The following TMEM232 variants were observed in gnomAD, a reference collection of about 807,000 sequenced individuals.
TMEM232 encodes the protein transmembrane protein 232.
Under a neutral mutation model 78.8 loss-of-function variants are expected in TMEM232, and 80 were observed. The observed-to-expected ratio is 1.01, with a 90% CI of 0.85 to 1.22. TMEM232 has a LOEUF of 1.22. Among genes scored for constraint, TMEM232 ranks in the 50% most tolerant of loss-of-function variants. The probability of loss-of-function intolerance (pLI) is 0.00; values close to 1 mark genes in which losing one functional copy is unlikely to be tolerated. For synonymous variants in TMEM232, 297 were observed against 254.3 expected, an observed-to-expected ratio of 1.17 and a Z score of -1.60; for missense variants, 881 against 742.2, an observed-to-expected ratio of 1.19 and a Z score of -2.17.
intron 11 of TMEM232, among the ~76,000 whole-genome samples, chr5:110,549,604 T>C (rs1187975775): frequency 2.0e-5 from 1 of 51,168 alleles, no homozygotes; most frequent in Admixed American, 2.8e-4. Context: ...AGTCCCTGTC[T>C]CAAAAAAAAA....
intron 1 of TMEM232, among the ~76,000 whole-genome samples, chr5:110,695,138 A>C (rs1334033709): frequency 6.6e-6 from 1 of 152,266 alleles, no homozygotes; most frequent in Non-Finnish European, 1.5e-5. Context: ...AGAACTCAGC[A>C]TTAAGAAACT....
chr5:110,654,075 G>C (rs367677657), intron 2 of TMEM232, among the ~76,000 whole-genome samples: 25 of 152,302 alleles, frequency 1.6e-4, no homozygotes, highest in African/African-American at 5.8e-4. Flanking sequence ...CAATGGAATT[G>C]AGACGTATAT....
At chr5:110,438,964 G>A (rs1302319794) in intron 12 of TMEM232, among the ~76,000 whole-genome samples, 1 of 152,086 alleles carries the variant, frequency 6.6e-6, no homozygotes, top group Non-Finnish European at 1.5e-5. Context: ...AAAGCAGGAG[G>A]TTAAAAAATA....
intron 8 of TMEM232, among the ~76,000 whole-genome samples, chr5:110,617,027 G>A (rs531160839): frequency 7.9e-5 from 12 of 152,258 alleles, no homozygotes; most frequent in African/African-American, 2.4e-4. Context: ...ATCAACCTAC[G>A]TGTCACACTG....
chr5:110,631,531 C>A (rs1201009224), intron 5 of TMEM232, among the ~76,000 whole-genome samples: 1 of 152,126 alleles, frequency 6.6e-6, no homozygotes, highest in Non-Finnish European at 1.5e-5. Context: ...CCTCTCCATA[C>A]CTCTGCAGGC....
chr5:110,388,207 T>C (rs1022972401), intron 4 of TMEM232, among the ~76,000 whole-genome samples: 2 of 152,152 alleles, frequency 1.3e-5, no homozygotes, highest in Admixed American at 1.3e-4. Flanking sequence ...GTCCGACCAG[T>C]TGTGACATTT....
At chr5:110,688,633 G>A (rs560156268) in intron 1 of TMEM232, among the ~76,000 whole-genome samples, 5 of 152,190 alleles carry the variant, frequency 3.3e-5, no homozygotes, top group African/African-American at 1.2e-4. Context: ...CATATAGATG[G>A]GACAATTGAC....
chr5:110,642,773 G>C (rs957395878), intron 2 of TMEM232, among the ~76,000 whole-genome samples: 5 of 152,044 alleles, frequency 3.3e-5, no homozygotes, highest in Non-Finnish European at 7.4e-5. Context: ...AGTGGAATCA[G>C]CCCAAACATG....
intron 2 of TMEM232, among the ~76,000 whole-genome samples, chr5:110,403,278 A>G (rs907486393): frequency 3.9e-5 from 6 of 152,114 alleles, no homozygotes; most frequent in Non-Finnish European, 8.8e-5. Context: ...GAAATAGATC[A>G]AAGTGTTAAA....
chr5:110,419,162 T>C (rs1485499683), downstream of TMEM232, among the ~76,000 whole-genome samples: 2 of 133,772 alleles, frequency 1.5e-5, no homozygotes, highest in Non-Finnish European at 3.0e-5. Context: ...GCTGGTCTTC[T>C]ATAGATTTTT....
intron 12 of TMEM232, among the ~76,000 whole-genome samples, chr5:110,506,534 A>T (rs1766927263): frequency 6.6e-6 from 1 of 152,174 alleles, no homozygotes; most frequent in South Asian, 2.1e-4. Flanking sequence ...GGATCATTCA[A>T]ATCCTAAAGG....
intron 12 of TMEM232, among the ~76,000 whole-genome samples, chr5:110,519,425 C>T (rs1403422866): frequency 6.6e-6 from 1 of 152,138 alleles, no homozygotes; most frequent in Non-Finnish European, 1.5e-5. Context: ...AATGAGATAT[C>T]ATCTCATCCC....
intron 2 of TMEM232, among the ~76,000 whole-genome samples, chr5:110,656,089 A>C (rs1356482326): frequency 6.6e-6 from 1 of 152,164 alleles, no homozygotes; most frequent in Non-Finnish European, 1.5e-5. Flanking sequence ...GGCTGAGGTT[A>C]GAACTGAAAG....
intron 12 of TMEM232, among the ~76,000 whole-genome samples, chr5:110,522,707 A>G (rs1162843778): frequency 6.6e-6 from 1 of 152,176 alleles, no homozygotes; most frequent in African/African-American, 2.4e-5. Context: ...AATGTAGTAT[A>G]TAACATTAAT....
In TMEM232 at chr5:110,568,642, A is replaced by C. The variant is rs1308682815; in HGVS notation, c.1277-17T>G. On this transcript the variant is annotated splice_polypyrimidine_tract_variant and intron_variant, in intron 10 of 13. Transcript: ENST00000455884. ...CTTGATCACCTGTTTAAAAAGAAAA[A>C]GTCTTTGGGAATTATCATTTTATTC... 3 of 1,520,572 alleles carry C rather than the reference A, an allele frequency of 2.0e-6. No individual in the cohort carries two copies. Among genetic ancestry groups the C allele is most frequent in the Non-Finnish European group, 2.6e-6 (3 of 1,138,714 alleles). The allele number at this position is 1,520,572 out of a possible 1,614,324, so 94.2% of individuals were successfully genotyped here.
In TMEM232 at chr5:110,420,281, A is replaced by T; in HGVS notation, c.*299T>A. The stretch of plus-strand genomic sequence containing the variant: ...ATCAATGTTCTGAGAATCAGTTATC[A>T]AGTATGCTGTACAATCATGAGATAA... On this transcript the variant is annotated 3_prime_UTR_variant, in exon 14 of 14. Coordinates refer to ENST00000455884, the MANE Select transcript of TMEM232 (RefSeq NM_001039763.4). The T allele has an allele frequency of 9.9e-6, 2 of 201,710 alleles. No homozygotes were observed. The highest frequency in any genetic ancestry group is 2.0e-5 in the Non-Finnish European group (2 of 101,578). 12.5% of individuals were successfully genotyped at this position (201,710 alleles called of 1,614,324 possible). A position where few individuals can be genotyped will look rare whatever the true frequency, so the allele number is the denominator to read the frequency against.
At chr5:110,523,063 T>A (rs1769785321) in intron 12 of TMEM232, among the ~76,000 whole-genome samples, 1 of 152,222 alleles carries the variant, frequency 6.6e-6, no homozygotes, top group Non-Finnish European at 1.5e-5. Context: ...AGTTTTTTAT[T>A]TACTGATTCA....
At chr5:110,656,514 G>A (rs1789080431) in intron 2 of TMEM232, among the ~76,000 whole-genome samples, 1 of 152,108 alleles carries the variant, frequency 6.6e-6, no homozygotes, top group African/African-American at 2.4e-5. Flanking sequence ...GATAGAAAAT[G>A]TACATCCACA....
intron 6 of TMEM232, among the ~76,000 whole-genome samples, chr5:110,626,409 C>G (rs990269693): frequency 6.6e-6 from 1 of 151,954 alleles, no homozygotes; most frequent in Non-Finnish European, 1.5e-5. Flanking sequence ...AGTCTACGGC[C>G]ACATCTGATT....
Sources: allele counts gnomAD v4.1 joint callset (sites outside exome capture counted in the v4.1 genomes callset), GRCh38; gene constraint gnomAD v4.1.1; transcripts MANE v1.5; gene names NCBI Gene and HGNC (gene_info 2026-07-23, HGNC 2026-07-21).